CCT5: variants seen among roughly 807,000 people sequenced by gnomAD.
CCT5 encodes chaperonin containing TCP1 subunit 5, also known as T-complex protein 1 subunit epsilon.
A neutral mutation model predicts 55.0 loss-of-function variants in CCT5; 6 were observed. That is an observed-to-expected ratio of 0.11 (90% CI 0.06 to 0.22). CCT5 has a LOEUF of 0.22. CCT5 is among the 10% of genes least tolerant of loss of function. CCT5 has a pLI of 1.00. For missense variants in CCT5, 560 were observed against 694.6 expected (o/e 0.81, Z 2.18); for synonymous variants, 231 against 243.7 (o/e 0.95, Z 0.49).
intron 6 of CCT5, among the ~76,000 whole-genome samples, chr5:10,260,549 T>A (rs1745909179): frequency 1.3e-5 from 2 of 152,248 alleles, no homozygotes; most frequent in South Asian, 4.1e-4. Context: ...TCAGCAGAAT[T>A]ACTGCTTGTG....
intron 7 of CCT5, chr5:10,261,242 G>A (rs185986556): frequency 1.6e-5 from 8 of 491,668 alleles, no homozygotes; most frequent in East Asian, 1.2e-4. Flanking sequence ...TCACTGCAGC[G>A]CAGTGCAAGG....
At chr5:10,263,337 C>G (rs760880608) in intron 10 of CCT5, 23 bp downstream of exon 10, 4 of 1,433,562 alleles carry the variant, frequency 2.8e-6, no homozygotes, top group Non-Finnish European at 3.7e-6. Flanking sequence ...CACGCCTCTG[C>G]GTGGAGGGGG....
intron 1 of CCT5, 73 bp downstream of exon 1, chr5:10,250,518 G>A (rs1022411254): frequency 1.3e-6 from 2 of 1,586,752 alleles, no homozygotes; most frequent in Non-Finnish European, 1.7e-6. Context: ...GCCTGCGCGA[G>A]TTGAGGAGCG....
chr5:10,250,704 C>T (rs1356595846), intron 1 of CCT5: 6 of 1,320,760 alleles, frequency 4.5e-6, no homozygotes, highest in South Asian at 3.6e-5. Context: ...CCGCTCAGTC[C>T]GGTCGCCCGC....
intron 4 of CCT5, among the ~76,000 whole-genome samples, chr5:10,257,575 A>C (rs1190835171): frequency 8.3e-6 from 1 of 120,856 alleles, no homozygotes; most frequent in Non-Finnish European, 1.6e-5. Context: ...GTCTATTCAC[A>C]TGTTTCAAAG....
rs766425367 is a variant in CCT5 at position 10,263,259 on chromosome 5, G to A, written c.1443G>A (p.Gln481=). The A allele has an allele frequency of 4.3e-6, 7 of 1,614,162 alleles. No individual in the cohort carries two copies. Among genetic ancestry groups the A allele is most frequent in the Non-Finnish European group, 5.9e-6 (7 of 1,180,028 alleles). ...CTATGACCGAAGTCCGAGCCAGACA[G>A]GTGAAGGAGATGAACCCTGCTCTTG... ...IQTMTEVRAR[Q]VKEMNPALGI... is the part of the protein sequence containing the mutation. Residue 481 remains glutamine, a synonymous_variant, in exon 10 of 11, where the codon CAG becomes CAA. Transcript: ENST00000280326.
intron 1 of CCT5, among the ~76,000 whole-genome samples, 190 bp from the exon 2 acceptor site, chr5:10,253,955 C>T (rs1433901331): frequency 2.0e-5 from 3 of 152,176 alleles, no homozygotes; most frequent in Non-Finnish European, 4.4e-5. Context: ...TCTTTCTTTA[C>T]GTAAGAATTG....
rs1176204610 is a variant in CCT5 at position 10,260,782 on chromosome 5, C to T, written c.874-10C>T. 2 of 1,612,946 alleles carry T rather than the reference C, an allele frequency of 1.2e-6. No individual in the cohort carries two copies. The highest frequency in any genetic ancestry group is 4.5e-5 in the East Asian group (2 of 44,882). On this transcript the variant is annotated splice_polypyrimidine_tract_variant and intron_variant, in intron 6 of 10. Coordinates refer to ENST00000280326, the MANE Select transcript of CCT5 (RefSeq NM_012073.5). ...TTCTCTTAATACGATTGTGGTGGTT[C>T]TTTTCCCAGATTAAAGAGACTGGTG... is the stretch of plus-strand genomic sequence containing the variant.
At chr5:10,250,936 T>G (rs1403184382) in intron 1 of CCT5, 2 of 921,706 alleles carry the variant, frequency 2.2e-6, no homozygotes, top group Non-Finnish European at 2.6e-6. Flanking sequence ...AGTGCTTTTT[T>G]GCCCACCCTT....
At chr5:10,257,499 G>A (rs1745741902) in intron 4 of CCT5, among the ~76,000 whole-genome samples, 1 of 152,176 alleles carries the variant, frequency 6.6e-6, no homozygotes, top group Non-Finnish European at 1.5e-5. Context: ...TGTGATTTCA[G>A]ACATTATTTC....
rs2126487780 is a variant in CCT5, at chr5:10,250,383, C to T, written c.43C>T (p.Pro15Ser). Reference sequence around the variant, plus strand: ...CCTCGCCTTCGATGAATATGGGCGCCCTTTCCTCATCATCAAGGATCAGGA... The same window carrying T: ...CCTCGCCTTCGATGAATATGGGCGCTCTTTCCTCATCATCAAGGATCAGGA... Reference protein sequence around the residue: ...GTLAFDEYGRPFLIIKDQDRK... With the variant: ...GTLAFDEYGRSFLIIKDQDRK... Residue 15 changes from proline (P) to serine (S), a missense_variant, in exon 1 of 11, where the codon CCT (proline) becomes TCT (serine). Coordinates refer to ENST00000280326, the MANE Select transcript of CCT5 (RefSeq NM_012073.5). 1 of 1,614,146 alleles carries T rather than the reference C, an allele frequency of 6.2e-7. No homozygotes were observed. Among genetic ancestry groups the T allele is most frequent in the Non-Finnish European group, 8.5e-7 (1 of 1,180,032 alleles).
intron 1 of CCT5, chr5:10,250,706 G>A (rs971967336): frequency 2.3e-6 from 3 of 1,317,818 alleles, no homozygotes; most frequent in Non-Finnish European, 2.9e-6. Context: ...GCTCAGTCCG[G>A]TCGCCCGCGG....
chr5:10,252,202 G>A (rs1322528892), intron 1 of CCT5, among the ~76,000 whole-genome samples: 5 of 152,170 alleles, frequency 3.3e-5, no homozygotes, highest in African/African-American at 1.2e-4. Flanking sequence ...GGCATCCTGT[G>A]AGTGTTGAGG....
intron 10 of CCT5, among the ~76,000 whole-genome samples, chr5:10,264,339 T>A (rs1746122566): frequency 1.3e-5 from 2 of 152,220 alleles, no homozygotes; most frequent in African/African-American, 2.4e-5. Flanking sequence ...ATGGACTTAC[T>A]TTAGATTTCC....
At chr5:10,258,661 A>G in intron 6 of CCT5, 126 bp downstream of exon 6, 2 of 844,640 alleles carry the variant, frequency 2.4e-6, no homozygotes, top group Non-Finnish European at 2.0e-6. Context: ...ACCAAATTGC[A>G]TAGAAAGGCA....
upstream of CCT5, chr5:10,250,233 T>C: frequency 2.5e-6 from 4 of 1,577,280 alleles, no homozygotes; most frequent in Non-Finnish European, 3.4e-6. Context: ...CCGCGCGTCT[T>C]GTGCTGCGCG....
At position 10,254,212 on chromosome 5, in the gene CCT5, GT is replaced by G. The variant is rs773556943; in HGVS notation, c.166+8del. On this transcript the variant is annotated splice_region_variant and intron_variant, in intron 2 of 10. Coordinates refer to ENST00000280326, the MANE Select transcript of CCT5 (RefSeq NM_012073.5). ...ACATCACTTGGACCAAATGGTAAGA[GT>G]CCACCATTCCGTGTTTTTTAGCAAA... is the stretch of plus-strand genomic sequence containing the variant. The G allele has an allele frequency of 1.0e-4, 158 of 1,567,054 alleles. 1 individual carries two copies. In the African/African-American group the frequency reaches 1.9e-3, roughly 19 times the overall value.
At chr5:10,258,577 A>T (rs1561048676) in intron 6 of CCT5, 42 bp downstream of exon 6, 1 of 1,563,104 alleles carries the variant, frequency 6.4e-7, no homozygotes, top group Non-Finnish European at 8.8e-7. Flanking sequence ...AAACTCCCAA[A>T]GGGTACAGTT....
chr5:10,264,694 A>C lies in CCT5; in HGVS notation c.1537A>C (p.Lys513Gln). 6.2e-7 allele frequency: 1 copy of C among 1,613,980 alleles called. No individual in the cohort carries two copies. Among genetic ancestry groups the C allele is most frequent in the South Asian group, 1.1e-5 (1 of 91,080 alleles). ...GCATGTCATAGAAACCTTGATTGGC[A>C]AAAAGCAACAGATATCTCTTGCAAC... ...QQHVIETLIG[K>Q]KQQISLATQM... Residue 513 changes from lysine to glutamine, a missense_variant, in exon 11 of 11, where the codon AAA (lysine) becomes CAA (glutamine). Physicochemically the swap from Lys to Gln is moderately conservative, Grantham distance 53. Coordinates refer to ENST00000280326, the MANE Select transcript of CCT5 (RefSeq NM_012073.5).
Sources: gnomAD v4.1 joint callset for allele counts (sites outside exome capture counted in the v4.1 genomes callset) on GRCh38, gnomAD v4.1.1 for gene constraint, MANE v1.5 for transcripts, NCBI Gene and HGNC (gene_info 2026-07-23, HGNC 2026-07-21) for gene names.